The following DENND1A variants were observed in gnomAD, a reference collection of about 807,000 sequenced individuals.
DENND1A encodes DENN domain-containing protein 1A.
DENND1A carries 51 observed loss-of-function variants against 113.7 expected under a neutral mutation model. The observed-to-expected ratio is 0.45, with a 90% CI of 0.36 to 0.57. The LOEUF (loss-of-function observed/expected upper bound fraction) is 0.57. Ranked by LOEUF, DENND1A falls within the 20% of genes least tolerant of loss-of-function variation. DENND1A has a pLI of 0.00. For synonymous variants in DENND1A, 565 were observed against 570.8 expected (o/e 0.99, Z 0.14); for missense variants, 1,258 against 1,395.9 (o/e 0.90, Z 1.57).
intron 11 of DENND1A, among the ~76,000 whole-genome samples, chr9:123,593,239 A>G (rs958288952): frequency 2.0e-5 from 3 of 152,200 alleles, no homozygotes; most frequent in Non-Finnish European, 2.9e-5. Context: ...TAGTTACAGG[A>G]CCAAGGGTAA....
chr9:123,544,336 T>A (rs1238860309), intron 13 of DENND1A, among the ~76,000 whole-genome samples: 1 of 152,260 alleles, frequency 6.6e-6, no homozygotes, highest in Non-Finnish European at 1.5e-5. Flanking sequence ...TTAAAAAAGA[T>A]ATATAAAATT....
chr9:123,810,232 G>A (rs1836320691), intron 2 of DENND1A, among the ~76,000 whole-genome samples: 1 of 151,960 alleles, frequency 6.6e-6, no homozygotes, highest in Non-Finnish European at 1.5e-5. Context: ...TCATGGTGTT[G>A]GCCATCATGT....
At chr9:123,757,966 G>C in intron 4 of DENND1A, 144 bp from the exon 5 acceptor site, 1 of 426,770 alleles carries the variant, frequency 2.3e-6, no homozygotes, top group Non-Finnish European at 3.5e-6. Flanking sequence ...GGAACAGACT[G>C]TAAGCTAGTT....
At chr9:123,787,747 G>A (rs989635644) in intron 3 of DENND1A, among the ~76,000 whole-genome samples, 9 of 151,980 alleles carry the variant, frequency 5.9e-5, no homozygotes, top group African/African-American at 1.5e-4. Flanking sequence ...GTGAAATTTT[G>A]AAATCACATA....
At chr9:123,919,364 G>A (rs551783249) in intron 1 of DENND1A, among the ~76,000 whole-genome samples, 2 of 151,230 alleles carry the variant, frequency 1.3e-5, no homozygotes, top group Admixed American at 6.6e-5. Context: ...CCCAGCTACT[G>A]GGGAGGTTGA....
chr9:123,514,065 GGTGTGTGT>G (rs775882728), intron 13 of DENND1A, among the ~76,000 whole-genome samples: 3 of 109,182 alleles, frequency 2.7e-5, no homozygotes, highest in African/African-American at 8.5e-5. Flanking sequence ...TCTATTTTGA[GGTGTGTGT>G]GTGTGTGTGT....
Position 123,909,309 on chromosome 9 carries a change from C to T in DENND1A, c.17+20580G>A, listed in dbSNP as rs983717014. Among the ~76,000 whole-genome samples the T allele has an allele frequency of 1.6e-3, 238 of 146,522 alleles. 1 individual carries two copies. Among genetic ancestry groups the T allele is most frequent in the African/African-American group, 5.7e-3 (226 of 39,438 alleles). On this transcript the variant is annotated intron_variant, in intron 1 of 23. Coordinates refer to ENST00000394215, the MANE Select transcript of DENND1A (RefSeq NM_001352964.2). ...CACATGTATACATATGTAACTAACC[C>T]GCACAATGTGCACATGTACCCTAAA... is the stretch of plus-strand genomic sequence containing the variant.
chr9:123,655,027 C>T (rs567143369), intron 8 of DENND1A, among the ~76,000 whole-genome samples: 1 of 152,340 alleles, frequency 6.6e-6, no homozygotes, highest in South Asian at 2.1e-4. Flanking sequence ...TCCTGAGAGA[C>T]AATTGAGTGA....
Position 123,897,128 on chromosome 9 carries a change from A to T in DENND1A, c.18-18107T>A, listed in dbSNP as rs1850884752. 3.3e-5 allele frequency among the ~76,000 whole-genome samples: 5 copies of T among 152,360 alleles called. No homozygotes were observed. The South Asian group carries it at 1.0e-3, about 32-fold the overall frequency. On this transcript the variant is annotated intron_variant, in intron 1 of 23. Transcript: ENST00000394215. ...GGCACACTCCACCCTGTCTCTCCACAACGAGAAAATACCTCTATAAAACCA... is the reference window on the plus strand; with the variant it reads ...GGCACACTCCACCCTGTCTCTCCACTACGAGAAAATACCTCTATAAAACCA...
intron 13 of DENND1A, among the ~76,000 whole-genome samples, chr9:123,557,067 G>C (rs1472818376): frequency 2.0e-5 from 3 of 152,236 alleles, no homozygotes. Flanking sequence ...TGAGGCGTGA[G>C]ACCCAGGAGG....
intron 5 of DENND1A, among the ~76,000 whole-genome samples, chr9:123,713,947 A>T (rs182074002): frequency 2.5e-4 from 38 of 151,292 alleles, no homozygotes; most frequent in African/African-American, 9.2e-4. Flanking sequence ...GAGAAGAGTT[A>T]AAAAAAAATC....
chr9:123,417,683 G>A (rs2044850698), intron 19 of DENND1A, among the ~76,000 whole-genome samples: 1 of 152,234 alleles, frequency 6.6e-6, no homozygotes, highest in Non-Finnish European at 1.5e-5. Flanking sequence ...AAAGGCTGAT[G>A]AGAGAGTAAC....
At chr9:123,512,250 A>G (rs905331563) in intron 13 of DENND1A, among the ~76,000 whole-genome samples, 9 of 152,214 alleles carry the variant, frequency 5.9e-5, no homozygotes, top group African/African-American at 2.2e-4. Context: ...AATAGGAGAT[A>G]TGAAGAGGCC....
chr9:123,842,569 C>T lies in DENND1A; in HGVS notation c.88+36382G>A, dbSNP rs917950947. The stretch of plus-strand genomic sequence containing the variant: ...TCTAGAAAAATACAAACTACCAAAA[C>T]TGATTTAAGAAGAAACAGAAAATCT... On this transcript the variant is annotated intron_variant, in intron 2 of 23. Coordinates refer to ENST00000394215, the MANE Select transcript of DENND1A (RefSeq NM_001352964.2). Among the ~76,000 whole-genome samples, 3 of 151,778 alleles carry T rather than the reference C, an allele frequency of 2.0e-5. No individual in the cohort carries two copies. The East Asian group carries it at 5.8e-4, about 29-fold the overall frequency.
intron 11 of DENND1A, among the ~76,000 whole-genome samples, chr9:123,588,440 G>A (rs1243659461): frequency 3.3e-5 from 5 of 151,418 alleles, no homozygotes; most frequent in African/African-American, 1.2e-4. Flanking sequence ...ACAACATGGC[G>A]AAACCCTGTC....
chr9:123,394,215 C>G (rs979019521), intron 21 of DENND1A, among the ~76,000 whole-genome samples: 1 of 152,088 alleles, frequency 6.6e-6, no homozygotes, highest in Non-Finnish European at 1.5e-5. Context: ...CTAGGCTGGT[C>G]TTGAACTCCT....
At chr9:123,622,535 C>G (rs1259205178) in intron 10 of DENND1A, among the ~76,000 whole-genome samples, 3 of 151,856 alleles carry the variant, frequency 2.0e-5, no homozygotes, top group Non-Finnish European at 4.4e-5. Context: ...CATCAAGAAG[C>G]TGACATGAAG....
chr9:123,660,616 A>G (rs573417500), intron 8 of DENND1A, among the ~76,000 whole-genome samples: 1 of 152,342 alleles, frequency 6.6e-6, no homozygotes, highest in South Asian at 2.1e-4. Flanking sequence ...TTATCATAAC[A>G]TTATTTATAG....
intron 11 of DENND1A, among the ~76,000 whole-genome samples, chr9:123,584,684 A>G (rs931266630): frequency 1.3e-5 from 2 of 152,230 alleles, no homozygotes; most frequent in Non-Finnish European, 2.9e-5. Flanking sequence ...AACTTGAGGA[A>G]GATGAGGTTC....
Sources: gnomAD v4.1 joint callset for allele counts (sites outside exome capture counted in the v4.1 genomes callset) on GRCh38, gnomAD v4.1.1 for gene constraint, MANE v1.5 for transcripts, NCBI Gene and HGNC (gene_info 2026-07-23, HGNC 2026-07-21) for gene names.